GMDS: variants seen among roughly 807,000 people sequenced by gnomAD.
The protein encoded by GMDS is GDP-mannose 4,6-dehydratase, also known as GDP-mannose 4,6 dehydratase.
A neutral mutation model predicts 49.9 loss-of-function variants in GMDS; 20 were observed. The observed-to-expected ratio is 0.40, with a 90% CI of 0.28 to 0.58. The LOEUF (loss-of-function observed/expected upper bound fraction) is 0.58, where lower values mean the gene tolerates loss of function less well. Among genes scored for constraint, GMDS ranks in the 20% least tolerant of loss-of-function variants. The probability of loss-of-function intolerance (pLI) is 0.42; values close to 1 mark genes in which losing one functional copy is unlikely to be tolerated. For missense variants in GMDS, 362 were observed against 481.4 expected (o/e 0.75, Z 2.32); for synonymous variants, 177 against 178.6 (o/e 0.99, Z 0.07).
chr6:2,206,647 T>C (rs936537364), intron 1 of GMDS, among the ~76,000 whole-genome samples: 1 of 152,190 alleles, frequency 6.6e-6, no homozygotes, highest in South Asian at 2.1e-4. Context: ...CAGTGGTTCT[T>C]AAACTTTAGG....
At chr6:1,645,513 G>A (rs754611213) in intron 9 of GMDS, among the ~76,000 whole-genome samples, 6 of 152,304 alleles carry the variant, frequency 3.9e-5, no homozygotes, top group East Asian at 1.9e-4. Context: ...CTGGAGGTCC[G>A]GAGCCCTCGC....
intron 1 of GMDS, among the ~76,000 whole-genome samples, chr6:2,208,841 C>T (rs933768360): frequency 2.1e-5 from 3 of 140,274 alleles, no homozygotes; most frequent in African/African-American, 5.5e-5. Context: ...AAGGCCGGTA[C>T]AGTGGGCTAC....
chr6:2,012,607 A>G (rs968252286), intron 4 of GMDS, among the ~76,000 whole-genome samples: 8 of 152,202 alleles, frequency 5.3e-5, no homozygotes, highest in African/African-American at 1.9e-4. Flanking sequence ...CAGGGCAAAC[A>G]ACCACATTAA....
At chr6:2,106,580 T>C (rs1310732987) in intron 4 of GMDS, among the ~76,000 whole-genome samples, 1 of 152,130 alleles carries the variant, frequency 6.6e-6, no homozygotes, top group Non-Finnish European at 1.5e-5. Flanking sequence ...TCAAGAATCC[T>C]GGCTGGGCAA....
At chr6:2,100,795 A>G (rs892092514) in intron 4 of GMDS, among the ~76,000 whole-genome samples, 10 of 152,028 alleles carry the variant, frequency 6.6e-5, no homozygotes, top group Admixed American at 5.9e-4. Flanking sequence ...CTTACAGTGG[A>G]AAAAATAAAA....
chr6:2,122,355 C>T (rs1390383679), intron 2 of GMDS, among the ~76,000 whole-genome samples: 1 of 152,150 alleles, frequency 6.6e-6, no homozygotes, highest in African/African-American at 2.4e-5. Context: ...CTGATGCACA[C>T]TAAAGGCTGA....
At chr6:1,663,100 T>G (rs1281187065) in intron 9 of GMDS, among the ~76,000 whole-genome samples, 4 of 152,204 alleles carry the variant, frequency 2.6e-5, no homozygotes, top group Non-Finnish European at 5.9e-5. Flanking sequence ...AAAATAGAAT[T>G]TCTTAGAACT....
chr6:1,851,981 G>C (rs1757695172), intron 7 of GMDS, among the ~76,000 whole-genome samples: 1 of 151,928 alleles, frequency 6.6e-6, no homozygotes, highest in African/African-American at 2.4e-5. Context: ...CACTGGCAGG[G>C]AGAGGCAGGA....
intron 7 of GMDS, among the ~76,000 whole-genome samples, chr6:1,914,787 G>A (rs1312204094): frequency 1.3e-5 from 2 of 152,194 alleles, no homozygotes; most frequent in East Asian, 3.9e-4. Context: ...TTCTTGACTG[G>A]TGTCTGCAAA....
chr6:1,988,800 G>A (rs1405937280), intron 4 of GMDS, among the ~76,000 whole-genome samples: 1 of 151,726 alleles, frequency 6.6e-6, no homozygotes, highest in Non-Finnish European at 1.5e-5. Flanking sequence ...TTGAATGTTT[G>A]TTAGCTAGCT....
At chr6:1,668,283 T>C (rs530975965) in intron 9 of GMDS, among the ~76,000 whole-genome samples, 1 of 152,366 alleles carries the variant, frequency 6.6e-6, no homozygotes, top group African/African-American at 2.4e-5. Flanking sequence ...AATAGGATAC[T>C]GGAGAACAAA....
At chr6:1,624,359 CCCG>C in intron 10 of GMDS, 110 bp downstream of exon 10, 1 of 1,294,992 alleles carries the variant, frequency 7.7e-7, no homozygotes. Flanking sequence ...TCTCCCGCAC[CCCG>C]CCTTCCGGGC....
intron 1 of GMDS, among the ~76,000 whole-genome samples, chr6:2,238,354 A>G (rs1362375576): frequency 6.6e-6 from 1 of 152,162 alleles, no homozygotes; most frequent in African/African-American, 2.4e-5. Context: ...CTGCACTTCA[A>G]ACTCCAGAGG....
chr6:2,221,545 C>G (rs991122071), intron 1 of GMDS, among the ~76,000 whole-genome samples: 2 of 152,096 alleles, frequency 1.3e-5, no homozygotes, highest in Non-Finnish European at 2.9e-5. Flanking sequence ...CCCGCCACCA[C>G]GACCGGCTAA....
intron 1 of GMDS, among the ~76,000 whole-genome samples, chr6:2,202,069 G>A (rs1424088473): frequency 2.1e-5 from 3 of 144,310 alleles, no homozygotes; most frequent in Non-Finnish European, 4.6e-5. Flanking sequence ...TAGCAGAGAG[G>A]TGAAGGATGA....
At chr6:2,139,749 G>A (rs935939748) in intron 1 of GMDS, among the ~76,000 whole-genome samples, 4 of 152,096 alleles carry the variant, frequency 2.6e-5, no homozygotes, top group East Asian at 1.9e-4. Context: ...ATTCCACACC[G>A]CCAGAAGTTC....
chr6:1,966,685 G>A lies in GMDS; in HGVS notation c.346-5719C>T, dbSNP rs1581434192. 3.3e-5 allele frequency among the ~76,000 whole-genome samples: 5 copies of A among 152,306 alleles called. No homozygotes were observed. The South Asian group carries it at 1.0e-3, about 32-fold the overall frequency. The stretch of plus-strand genomic sequence containing the variant: ...GCCCACCTCCAGGGCACCTCTTGGA[G>A]CAACAGCCTCTCATATGTTCACATG... On this transcript the variant is annotated intron_variant, in intron 4 of 10. Coordinates refer to ENST00000380815, the MANE Select transcript of GMDS (RefSeq NM_001500.4).
At chr6:1,978,304 T>C (rs1177256440) in intron 4 of GMDS, among the ~76,000 whole-genome samples, 1 of 152,050 alleles carries the variant, frequency 6.6e-6, no homozygotes, top group Non-Finnish European at 1.5e-5. Context: ...CCACCAGCCA[T>C]GCCCAAGCGC....
intron 1 of GMDS, among the ~76,000 whole-genome samples, chr6:2,238,487 C>A (rs1027003363): frequency 3.3e-5 from 5 of 152,140 alleles, no homozygotes; most frequent in African/African-American, 1.2e-4. Flanking sequence ...ATCTCATTAT[C>A]CTCATACTTT....
Sources: allele counts gnomAD v4.1 joint callset (sites outside exome capture counted in the v4.1 genomes callset), GRCh38; gene constraint gnomAD v4.1.1; transcripts MANE v1.5; gene names NCBI Gene and HGNC (gene_info 2026-07-23, HGNC 2026-07-21).